Variants in DNAH14 observed in about 807,000 individuals in gnomAD.
The protein encoded by DNAH14 is axonemal beta dynein heavy chain 14.
Under a neutral mutation model 520.9 loss-of-function variants are expected in DNAH14, and 478 were observed. That is an observed-to-expected ratio of 0.92 (90% CI 0.85 to 0.99). The LOEUF is 0.99. DNAH14 is among the 50% of genes least tolerant of loss of function. DNAH14 has a pLI of 0.00. For missense variants in DNAH14, 4,831 were observed against 5,234.5 expected (o/e 0.92, Z 2.38); for synonymous variants, 1,581 against 1,757.2 (o/e 0.90, Z 2.51).
chr1:225,151,757 C>T (rs1412706751), intron 31 of DNAH14: 4 of 618,418 alleles, frequency 6.5e-6, no homozygotes, highest in Non-Finnish European at 1.1e-5. Context: ...AGGTATCTTC[C>T]AGCCTCAGGT....
At chr1:225,321,162 A>G (rs1209899950) in intron 61 of DNAH14, among the ~76,000 whole-genome samples, 1 of 152,224 alleles carries the variant, frequency 6.6e-6, no homozygotes, top group Admixed American at 6.5e-5. Flanking sequence ...GAGCTATTCA[A>G]ATGTGAAGAT....
At chr1:225,277,012 A>G (rs949316621) in intron 53 of DNAH14, among the ~76,000 whole-genome samples, 1 of 54,502 alleles carries the variant, frequency 1.8e-5, no homozygotes, top group African/African-American at 8.0e-5. Flanking sequence ...GGAGGGAGGG[A>G]GGGAGGGAGG....
At chr1:225,147,284 A>C (rs757466177) in intron 31 of DNAH14, 35 bp downstream of exon 31, 1 of 1,504,350 alleles carries the variant, frequency 6.6e-7, no homozygotes, top group South Asian at 1.3e-5. Context: ...TTTTGAATTG[A>C]AATCTGATAC....
In DNAH14 at chr1:225,192,814, C is replaced by A; in HGVS notation, c.5789C>A (p.Ser1930Ter). The A allele has an allele frequency of 6.5e-7, 1 of 1,550,182 alleles. No homozygotes were observed. The highest frequency in any genetic ancestry group is 1.4e-5 in the African/African-American group (1 of 73,082). ...ATGGAATGGACTGATGGATTATTAT[C>A]AGCAACAATTCGAAGTTATGTATAT... ...NTMEWTDGLLSATIRSYVYFN... is the reference protein window; with the variant it reads ...NTMEWTDGLL The change falls in exon 38 of 86, where the codon TCA becomes TAA. Residue 1930 changes from serine to a stop codon, truncating the protein, a stop_gained. Coordinates refer to ENST00000682510, the MANE Select transcript of DNAH14 (RefSeq NM_001367479.1). LOFTEE classifies it high-confidence loss of function.
At chr1:224,999,554 C>T (rs1360224298) in intron 8 of DNAH14, among the ~76,000 whole-genome samples, 5 of 152,076 alleles carry the variant, frequency 3.3e-5, no homozygotes, top group East Asian at 3.8e-4. Context: ...TTTTAATTGC[C>T]ATATTTAGAC....
At chr1:225,374,381 C>T (rs893037977) in intron 77 of DNAH14, among the ~76,000 whole-genome samples, 1 of 149,850 alleles carries the variant, frequency 6.7e-6, no homozygotes, top group African/African-American at 2.5e-5. Flanking sequence ...CCTGCCTCAG[C>T]CTCCCAGTAG....
At chr1:224,957,506 C>G (rs75052380) in intron 3 of DNAH14, among the ~76,000 whole-genome samples, 8,350 of 151,986 alleles carry the variant, frequency 0.055, 461 homozygotes, top group East Asian at 0.23. Context: ...TAAAGTGAGA[C>G]TAAAACAGGG....
intron 1 of DNAH14, among the ~76,000 whole-genome samples, chr1:224,946,321 C>T (rs112599265): frequency 6.6e-6 from 1 of 152,138 alleles, no homozygotes; most frequent in Admixed American, 6.5e-5. Flanking sequence ...CCTGGTGTGC[C>T]ATTTGCTAAG....
intron 74 of DNAH14, among the ~76,000 whole-genome samples, chr1:225,359,717 G>A (rs1298387295): frequency 1.3e-5 from 2 of 152,242 alleles, no homozygotes; most frequent in Non-Finnish European, 2.9e-5. Context: ...CTTAGCCCAT[G>A]ATGGTGGCTA....
intron 41 of DNAH14, among the ~76,000 whole-genome samples, chr1:225,210,783 G>T (rs1186950737): frequency 6.6e-6 from 1 of 152,140 alleles, no homozygotes; most frequent in Non-Finnish European, 1.5e-5. Flanking sequence ...TGCCCCTGTG[G>T]GATGAAGCTT....
chr1:224,970,112 T>C (rs999452435), intron 7 of DNAH14, among the ~76,000 whole-genome samples: 2 of 152,326 alleles, frequency 1.3e-5, no homozygotes, highest in African/African-American at 4.8e-5. Context: ...TGAATTCTTT[T>C]TCTCAGCAAG....
chr1:225,094,818 CAA>C (rs140729760), intron 21 of DNAH14, among the ~76,000 whole-genome samples: 12 of 91,166 alleles, frequency 1.3e-4, no homozygotes, highest in Admixed American at 2.2e-4. Flanking sequence ...CATTTACAGG[CAA>C]AAAAAAAAAA....
chr1:225,192,712 G>A lies in DNAH14; in HGVS notation c.5687G>A (p.Gly1896Glu). 2 of 1,547,510 alleles carry A rather than the reference G, an allele frequency of 1.3e-6. No individual in the cohort carries two copies. The highest frequency in any genetic ancestry group is 2.4e-5 in the South Asian group (2 of 83,546). The change falls in exon 38 of 86, where the codon GGA (glycine) becomes GAA (glutamate). Residue 1896 changes from glycine (G) to glutamate (E), a missense_variant. Coordinates refer to ENST00000682510, the MANE Select transcript of DNAH14 (RefSeq NM_001367479.1). ...TTTTCCCAGATTTCAGAAAGAAAAG[G>A]AAAAGTAGATATTTGTGTTTTAAAT... ...KSASKISERK[G>E]KVDICVLNPK...
intron 11 of DNAH14, among the ~76,000 whole-genome samples, chr1:225,036,840 G>A (rs1318052161): frequency 6.6e-6 from 1 of 152,148 alleles, no homozygotes; most frequent in East Asian, 1.9e-4. Flanking sequence ...AAGTGGCAGT[G>A]TTTGTCCAAG....
intron 74 of DNAH14, among the ~76,000 whole-genome samples, chr1:225,359,860 A>C (rs1411088624): frequency 1.3e-5 from 2 of 152,240 alleles, no homozygotes; most frequent in Admixed American, 6.5e-5. Context: ...GTTTCATTTT[A>C]AGTTCCAGGA....
intron 1 of DNAH14, among the ~76,000 whole-genome samples, chr1:224,932,932 T>C (rs999748170): frequency 5.9e-5 from 9 of 152,086 alleles, no homozygotes; most frequent in East Asian, 5.8e-4. Context: ...TTATTCCATA[T>C]GAATTTGGGG....
At chr1:224,941,598 A>G (rs1425532825) in intron 1 of DNAH14, among the ~76,000 whole-genome samples, 1 of 151,904 alleles carries the variant, frequency 6.6e-6, no homozygotes, top group Non-Finnish European at 1.5e-5. Flanking sequence ...CTATGTCCTG[A>G]ATGGTATTGC....
intron 10 of DNAH14, among the ~76,000 whole-genome samples, chr1:225,008,683 C>A (rs989140145): frequency 6.7e-6 from 1 of 150,008 alleles, no homozygotes; most frequent in South Asian, 2.1e-4. Flanking sequence ...CCTTGGCCTC[C>A]CAAAGTGCTG....
At chr1:225,178,643 A>G (rs2083612430) in intron 36 of DNAH14, among the ~76,000 whole-genome samples, 1 of 152,204 alleles carries the variant, frequency 6.6e-6, no homozygotes, top group South Asian at 2.1e-4. Context: ...CCATAGGCAG[A>G]TGAGACTTGC....
Sources: allele counts gnomAD v4.1 joint callset (sites outside exome capture counted in the v4.1 genomes callset), GRCh38; gene constraint gnomAD v4.1.1; transcripts MANE v1.5; gene names NCBI Gene and HGNC (gene_info 2026-07-23, HGNC 2026-07-21).